The following NUDT2 variants were observed in gnomAD, a reference collection of about 807,000 sequenced individuals.
The protein encoded by NUDT2 is nudix hydrolase 2, also known as bis(5'-nucleosyl)-tetraphosphatase [asymmetrical].
In NUDT2, 12 loss-of-function variants were observed where a neutral mutation model predicts 14.2. That is an observed-to-expected ratio of 0.84 (90% CI 0.54 to 1.37). The LOEUF (loss-of-function observed/expected upper bound fraction) is 1.37, where lower values mean the gene tolerates loss of function less well. Ranked by LOEUF, NUDT2 falls within the 40% of genes most tolerant of loss-of-function variation. The probability of loss-of-function intolerance (pLI) is 0.00; values close to 1 mark genes in which losing one functional copy is unlikely to be tolerated. For missense variants in NUDT2, 167 were observed against 176.7 expected (o/e 0.95, Z 0.31); for synonymous variants, 67 against 67.4 (o/e 0.99, Z 0.03).
chr9:34,337,259 C>T (rs1403666002), intron 2 of NUDT2, among the ~76,000 whole-genome samples: 5 of 152,174 alleles, frequency 3.3e-5, no homozygotes, highest in African/African-American at 1.2e-4. Flanking sequence ...CTTGGCCTCC[C>T]AAAGTGCTGG....
At chr9:34,342,070 G>A (rs1201269358) in intron 4 of NUDT2, among the ~76,000 whole-genome samples, 1 of 152,200 alleles carries the variant, frequency 6.6e-6, no homozygotes, top group African/African-American at 2.4e-5. Flanking sequence ...GCTCCAGTCT[G>A]CAGAGCTTCA....
Position 34,343,235 on chromosome 9 carries a change from T to C in NUDT2, c.239T>C (p.Leu80Pro). The C allele has an allele frequency of 6.2e-7, 1 of 1,613,962 alleles. No homozygotes were observed. Residue 80 changes from leucine (L) to proline (P), a missense_variant, in exon 5 of 5, where the codon CTC becomes CCC. Coordinates refer to ENST00000379158, the MANE Select transcript of NUDT2 (RefSeq NM_001161.5). ...ATTATTGAGGGGTTCAAAAGGGAAC[T>C]CAATTATGTGGCCAGGAACAAGCCT... ...LTIIEGFKRELNYVARNKPKT... is the reference protein window; with the variant it reads ...LTIIEGFKREPNYVARNKPKT...
chr9:34,333,644 CAAAAAAAA>C (rs34830977), intron 1 of NUDT2, among the ~76,000 whole-genome samples: 10 of 47,096 alleles, frequency 2.1e-4, no homozygotes, highest in South Asian at 2.7e-3. Context: ...GAGACATTGT[CAAAAAAAA>C]AAAAAAAAAA....
At chr9:34,331,288 G>A (rs928790574) in intron 1 of NUDT2, among the ~76,000 whole-genome samples, 2 of 152,068 alleles carry the variant, frequency 1.3e-5, no homozygotes, top group African/African-American at 4.8e-5. Flanking sequence ...TATGACACAC[G>A]GGTAACAGTA....
rs537054698 is a variant in NUDT2 at position 34,336,005 on chromosome 9, G to A, written c.-264-224G>A. On this transcript the variant is annotated intron_variant, in intron 1 of 4. Coordinates refer to ENST00000379158, the MANE Select transcript of NUDT2 (RefSeq NM_001161.5). ...CTTAGGCAGGGCACTGTGCCCTCTAGTCTTGGATCCCTAAGCTTATTTAGG... is the reference window on the plus strand; with the variant it reads ...CTTAGGCAGGGCACTGTGCCCTCTAATCTTGGATCCCTAAGCTTATTTAGG... Among the ~76,000 whole-genome samples the A allele has an allele frequency of 7.2e-5, 11 of 152,130 alleles. No homozygotes were observed. The South Asian group carries it at 2.3e-3, about 32-fold the overall frequency.
intron 4 of NUDT2, among the ~76,000 whole-genome samples, chr9:34,339,965 C>T (rs534394699): frequency 9.4e-4 from 141 of 150,566 alleles, no homozygotes; most frequent in African/African-American, 3.1e-3. Flanking sequence ...GACAAAGTCT[C>T]GCTTTGTCGC....
At chr9:34,342,210 A>G (rs1245089044) in intron 4 of NUDT2, among the ~76,000 whole-genome samples, 3 of 152,218 alleles carry the variant, frequency 2.0e-5, no homozygotes, top group African/African-American at 7.2e-5. Context: ...TGAAACTGAA[A>G]TCTGGCTTTG....
At position 34,343,129 on chromosome 9, in the gene NUDT2, G is replaced by A; in HGVS notation, c.133G>A (p.Val45Met). 1 of 1,611,612 alleles carries A rather than the reference G, an allele frequency of 6.2e-7. No individual in the cohort carries two copies. Residue 45 changes from valine (V) to methionine (M), a missense_variant, in exon 5 of 5, where the codon GTG becomes ATG. Val to Met is a conservative substitution (Grantham distance 21). Coordinates refer to ENST00000379158, the MANE Select transcript of NUDT2 (RefSeq NM_001161.5). ...IHHWTPPKGH[V>M]EPGEDDLETA... ...TCCTCTTTTCTCCTAACTAGGCCAT[G>A]TGGAACCAGGAGAGGATGACTTGGA...
Position 34,343,401 on chromosome 9 carries a change from C to T in NUDT2, c.405C>T (p.Leu135=). 6.2e-7 allele frequency: 1 copy of T among 1,608,952 alleles called. No homozygotes were observed. Residue 135 remains leucine, a synonymous_variant, in exon 5 of 5, where the codon CTC becomes CTT. Coordinates refer to ENST00000379158, the MANE Select transcript of NUDT2 (RefSeq NM_001161.5). ...LAQFKEMKAA[L]QEGHQFLCSI... ...AGTTCAAGGAGATGAAGGCAGCGCTCCAAGAAGGACACCAGTTTCTTTGCT... is the reference window on the plus strand; with the variant it reads ...AGTTCAAGGAGATGAAGGCAGCGCTTCAAGAAGGACACCAGTTTCTTTGCT...
intron 4 of NUDT2, among the ~76,000 whole-genome samples, chr9:34,341,870 G>T (rs10972066): frequency 0.12 from 18,645 of 152,140 alleles, 1,492 homozygotes; most frequent in Non-Finnish European, 0.18. Context: ...GGAAGGATGA[G>T]GGCCCCCATC....
chr9:34,331,443 A>G (rs1224230710), intron 1 of NUDT2, among the ~76,000 whole-genome samples: 1 of 152,176 alleles, frequency 6.6e-6, no homozygotes, highest in Non-Finnish European at 1.5e-5. Flanking sequence ...TGCTCTATTA[A>G]CTTCAATAGC....
chr9:34,338,118 T>A lies in NUDT2; in HGVS notation c.-151-595T>A, dbSNP rs1299103596. On this transcript the variant is annotated intron_variant, in intron 2 of 4. Coordinates refer to ENST00000379158, the MANE Select transcript of NUDT2 (RefSeq NM_001161.5). ...AGAGGACCACTTCTGTTTGGGAGTT[T>A]GAGGCCAGTCTAGGCAACATAGTAA... is the stretch of plus-strand genomic sequence containing the variant. Among the ~76,000 whole-genome samples the A allele has an allele frequency of 2.3e-5, 3 of 132,284 alleles. No homozygotes were observed. In the East Asian group the frequency reaches 6.1e-4, roughly 27 times the overall value. 86.8% of individuals were successfully genotyped at this position (132,284 alleles called of 152,430 possible). A position where few individuals can be genotyped will look rare whatever the true frequency, so the allele number is the denominator to read the frequency against.
intron 4 of NUDT2, among the ~76,000 whole-genome samples, chr9:34,342,052 T>C (rs1820204675): frequency 6.6e-6 from 1 of 152,216 alleles, no homozygotes; most frequent in Non-Finnish European, 1.5e-5. Flanking sequence ...GAGGTAAAGC[T>C]GAGAGCTGCT....
chr9:34,330,243 C>T (rs984971767), intron 1 of NUDT2, among the ~76,000 whole-genome samples: 7 of 151,464 alleles, frequency 4.6e-5, no homozygotes, highest in Admixed American at 2.0e-4. Flanking sequence ...CTCTACTAAA[C>T]AAAATACAAA....
At chr9:34,330,574 A>G (rs1420592141) in intron 1 of NUDT2, among the ~76,000 whole-genome samples, 1 of 152,248 alleles carries the variant, frequency 6.6e-6, no homozygotes, top group Non-Finnish European at 1.5e-5. Context: ...CTTCTGAAAA[A>G]TGGCAGTAAT....
Position 34,343,353 on chromosome 9 carries a change from G to A in NUDT2, c.357G>A (p.Leu119=). The part of the protein sequence containing the change: ...HEHQAYRWLG[L]EEACQLAQFK... Reference sequence around the variant, plus strand: ...ACCAAGCCTACCGCTGGCTGGGGCTGGAGGAGGCCTGCCAGTTGGCTCAGT... The same window carrying A: ...ACCAAGCCTACCGCTGGCTGGGGCTAGAGGAGGCCTGCCAGTTGGCTCAGT... Residue 119 remains leucine (L), a synonymous_variant, in exon 5 of 5, where the codon CTG becomes CTA. Transcript: ENST00000379158. 1 of 1,614,130 alleles carries A rather than the reference G, an allele frequency of 6.2e-7. No homozygotes were observed. Among genetic ancestry groups the A allele is most frequent in the Non-Finnish European group, 8.5e-7 (1 of 1,180,002 alleles).
chr9:34,330,427 A>G (rs896600256), intron 1 of NUDT2, among the ~76,000 whole-genome samples: 1 of 152,152 alleles, frequency 6.6e-6, no homozygotes, highest in East Asian at 1.9e-4. Flanking sequence ...AAACAAAAAA[A>G]AACTGAATGC....
chr9:34,329,641 G>A (rs1837821611), intron 1 of NUDT2, 42 bp downstream of exon 1: 2 of 152,304 alleles, frequency 1.3e-5, no homozygotes, highest in Admixed American at 1.3e-4. Context: ...GTTCTCAGTG[G>A]AGGAAATGAG....
chr9:34,343,427 C>A lies in NUDT2; in HGVS notation c.431C>A (p.Ser144Tyr). The A allele has an allele frequency of 6.3e-7, 1 of 1,596,302 alleles. No individual in the cohort carries two copies. The highest frequency in any genetic ancestry group is 8.5e-7 in the Non-Finnish European group (1 of 1,170,046). Reference protein sequence around the residue: ...ALQEGHQFLCSIEA With the variant: ...ALQEGHQFLCYIEA ...CAAGAAGGACACCAGTTTCTTTGCT[C>A]CATAGAGGCCTGAGCTGACTGGAGC... Residue 144 changes from serine (S) to tyrosine (Y), a missense_variant, in exon 5 of 5, where the codon TCC (serine) becomes TAC (tyrosine). Ser to Tyr is a moderately radical substitution (Grantham distance 144, BLOSUM62 -2). Coordinates refer to ENST00000379158, the MANE Select transcript of NUDT2 (RefSeq NM_001161.5).
Sources: gnomAD v4.1 joint callset for allele counts (sites outside exome capture counted in the v4.1 genomes callset) on GRCh38, gnomAD v4.1.1 for gene constraint, MANE v1.5 for transcripts, NCBI Gene and HGNC (gene_info 2026-07-23, HGNC 2026-07-21) for gene names.